UTP20: variants seen among roughly 807,000 people sequenced by gnomAD.
UTP20 encodes UTP20 small subunit processome component, also known as small subunit processome component 20 homolog.
In UTP20, 164 loss-of-function variants were observed where a neutral mutation model predicts 329.5. The ratio of observed to expected loss-of-function variants is 0.50; its 90% CI spans 0.44 to 0.57. The LOEUF is 0.57. UTP20 is among the 20% of genes least tolerant of loss of function. The pLI, the probability that UTP20 is intolerant of heterozygous loss-of-function variation, is 0.00. For missense variants in UTP20, 3,055 were observed against 3,284.2 expected (o/e 0.93, Z 1.71); for synonymous variants, 1,151 against 1,159.3 (o/e 0.99, Z 0.14).
chr12:101,348,544 T>C (rs1042956600), intron 38 of UTP20, among the ~76,000 whole-genome samples: 2 of 152,042 alleles, frequency 1.3e-5, no homozygotes, highest in African/African-American at 4.8e-5. Context: ...AAAGAAAAGG[T>C]CTTTTATATT....
intron 40 of UTP20, among the ~76,000 whole-genome samples, chr12:101,353,818 C>T (rs773282463): frequency 4.6e-5 from 7 of 152,128 alleles, no homozygotes; most frequent in African/African-American, 1.2e-4. Context: ...AATTAAAAAG[C>T]GTCACGATTA....
chr12:101,345,493 C>A, intron 36 of UTP20, 61 bp from the exon 37 acceptor site: 1 of 1,068,050 alleles, frequency 9.4e-7, no homozygotes, highest in Non-Finnish European at 1.3e-6. Flanking sequence ...TTTCTGTTTC[C>A]TCATATTAGA....
intron 14 of UTP20, 81 bp downstream of exon 14, chr12:101,300,142 A>T: frequency 7.6e-7 from 1 of 1,322,458 alleles, no homozygotes. Context: ...GCTATTAGAG[A>T]ATAATACTTA....
chr12:101,305,860 C>G, intron 15 of UTP20, 55 bp from the exon 16 acceptor site: 1 of 1,470,322 alleles, frequency 6.8e-7, no homozygotes, highest in Non-Finnish European at 9.1e-7. Context: ...ATACTATAGT[C>G]TAGATACTCT....
At chr12:101,357,852 A>G (rs779959242) in intron 43 of UTP20, among the ~76,000 whole-genome samples, 11 of 152,242 alleles carry the variant, frequency 7.2e-5, no homozygotes, top group Middle Eastern at 3.2e-3. Context: ...CTGGACAGAC[A>G]GTATCAGCAG....
At chr12:101,296,405 A>G (rs1872349941) in intron 12 of UTP20, among the ~76,000 whole-genome samples, 1 of 152,052 alleles carries the variant, frequency 6.6e-6, no homozygotes, top group Non-Finnish European at 1.5e-5. Flanking sequence ...CCCTGTCTCT[A>G]TTAAAAATAC....
At chr12:101,367,748 TA>T in intron 47 of UTP20, 111 bp from the exon 48 acceptor site, 1 of 699,066 alleles carries the variant, frequency 1.4e-6, no homozygotes, top group Non-Finnish European at 2.5e-6. Context: ...TTATCATTTC[TA>T]ATAGAAGTAT....
At chr12:101,348,441 G>A (rs868395944) in intron 38 of UTP20, among the ~76,000 whole-genome samples, 70 of 151,854 alleles carry the variant, frequency 4.6e-4, no homozygotes, top group Middle Eastern at 3.4e-3. Flanking sequence ...TTTGCCATAG[G>A]TTTTGCCTCT....
chr12:101,313,191 T>C lies in UTP20; in HGVS notation c.2552+915T>C, dbSNP rs1042892711. ...GTGCAGAACATTATTAAGTAATACA[T>C]AAAAAGCATGTTTTCCTATAGTAGT... On this transcript the variant is annotated intron_variant, in intron 21 of 61. Transcript: ENST00000261637. Among the ~76,000 whole-genome samples, 16 of 152,110 alleles carry C rather than the reference T, an allele frequency of 1.1e-4. 1 individual carries two copies. Among genetic ancestry groups the C allele is most frequent in the Non-Finnish European group, 2.4e-4 (16 of 68,028 alleles).
chr12:101,310,053 G>A (rs929905936), intron 19 of UTP20, among the ~76,000 whole-genome samples: 2 of 152,094 alleles, frequency 1.3e-5, no homozygotes, highest in Non-Finnish European at 2.9e-5. Flanking sequence ...TTATACGTGT[G>A]TCTCTTTGTG....
intron 14 of UTP20, among the ~76,000 whole-genome samples, chr12:101,301,869 G>C (rs1872528946): frequency 6.6e-6 from 1 of 151,932 alleles, no homozygotes; most frequent in South Asian, 2.1e-4. Context: ...CATTATACTT[G>C]GTACTCATTT....
At position 101,354,922 on chromosome 12, in the gene UTP20, T is replaced by C. The variant is rs1346558162; in HGVS notation, c.5198T>C (p.Leu1733Ser). ...EEEKEYTCKS[L>S]SDNGQPGTPD... ...GAGAAGGAATATACATGCAAGAGTT[T>C]GTCAGACAACGGACAACCGGGAACC... The change falls in exon 41 of 62, where the codon TTG becomes TCG. Residue 1733 changes from leucine (L) to serine (S), a missense_variant. Around this residue, in one of 3 missense-constraint regions of UTP20, gnomAD observed 2,445 missense variants for 2,575.5 expected, o/e 0.95. Coordinates refer to ENST00000261637, the MANE Select transcript of UTP20 (RefSeq NM_014503.3). The C allele has an allele frequency of 6.2e-7, 1 of 1,614,168 alleles. No homozygotes were observed.
At chr12:101,301,875 C>T (rs1297209898) in intron 14 of UTP20, among the ~76,000 whole-genome samples, 3 of 152,074 alleles carry the variant, frequency 2.0e-5, no homozygotes, top group Non-Finnish European at 4.4e-5. Context: ...ACTTGGTACT[C>T]ATTTTGGTTA....
chr12:101,344,926 T>G (rs1201245946), intron 36 of UTP20, among the ~76,000 whole-genome samples, 176 bp downstream of exon 36: 4 of 146,074 alleles, frequency 2.7e-5, no homozygotes, highest in Non-Finnish European at 5.9e-5. Flanking sequence ...GGAGAGCACT[T>G]TTTTTTGCTT....
intron 45 of UTP20, among the ~76,000 whole-genome samples, 159 bp downstream of exon 45, chr12:101,363,902 A>AT (rs772624835): frequency 2.0e-5 from 3 of 152,116 alleles, no homozygotes; most frequent in Non-Finnish European, 4.4e-5. Flanking sequence ...GAATGCTTTG[A>AT]TTCAAAAATC....
At chr12:101,382,469 C>T (rs1870678486) in intron 58 of UTP20, among the ~76,000 whole-genome samples, 1 of 152,076 alleles carries the variant, frequency 6.6e-6, no homozygotes, top group Non-Finnish European at 1.5e-5. Context: ...AAATTGTTTC[C>T]TTATTCTGTG....
chr12:101,286,283 A>C, intron 4 of UTP20, 38 bp from the exon 5 acceptor site: 2 of 1,515,186 alleles, frequency 1.3e-6, no homozygotes, highest in Non-Finnish European at 1.8e-6. Context: ...GCCTTTTAAA[A>C]AAATCCACAT....
intron 5 of UTP20, 75 bp downstream of exon 5, chr12:101,286,584 C>A: frequency 7.9e-7 from 1 of 1,270,476 alleles, no homozygotes; most frequent in South Asian, 2.1e-5. Flanking sequence ...GACTCCAAAC[C>A]ACTTTGCCAG....
chr12:101,350,399 C>T (rs1869477886), intron 38 of UTP20, among the ~76,000 whole-genome samples: 1 of 152,216 alleles, frequency 6.6e-6, no homozygotes, highest in Admixed American at 6.5e-5. Context: ...TCAAGTGATC[C>T]TCCCACATTG....
Sources: gnomAD v4.1 joint callset for allele counts (sites outside exome capture counted in the v4.1 genomes callset) on GRCh38, gnomAD v4.1.1 for gene constraint, gnomAD v4.1.1 regional missense constraint, MANE v1.5 for transcripts, NCBI Gene and HGNC (gene_info 2026-07-23, HGNC 2026-07-21) for gene names.